The following NRCAM variants were observed in gnomAD, a reference collection of about 807,000 sequenced individuals.
NRCAM encodes the protein neuronal cell adhesion molecule.
In NRCAM, 83 loss-of-function variants were observed where a neutral mutation model predicts 156.5. The ratio of observed to expected loss-of-function variants is 0.53; its 90% CI spans 0.44 to 0.64. The LOEUF (loss-of-function observed/expected upper bound fraction) is 0.64, where lower values mean the gene tolerates loss of function less well. NRCAM is among the 30% of genes least tolerant of loss of function. The probability of loss-of-function intolerance (pLI) is 0.00; values close to 1 mark genes in which losing one functional copy is unlikely to be tolerated. For synonymous variants in NRCAM, 538 were observed against 563.9 expected, an observed-to-expected ratio of 0.95 and a Z score of 0.65; for missense variants, 1,417 against 1,597.3, an observed-to-expected ratio of 0.89 and a Z score of 1.92.
At chr7:108,336,247 C>CGGCTG (rs1563316209) in intron 2 of NRCAM, among the ~76,000 whole-genome samples, 1 of 152,150 alleles carries the variant, frequency 6.6e-6, no homozygotes, top group African/African-American at 2.4e-5. Context: ...TGCCCCTTCC[C>CGGCTG]GGCTGTCTAA....
intron 11 of NRCAM, among the ~76,000 whole-genome samples, chr7:108,219,221 A>T (rs1219118268): frequency 6.6e-6 from 1 of 151,110 alleles, no homozygotes; most frequent in Non-Finnish European, 1.5e-5. Flanking sequence ...TAATTAAAAA[A>T]TTACCAAAAA....
intron 3 of NRCAM, among the ~76,000 whole-genome samples, chr7:108,281,499 G>T (rs2097856582): frequency 6.6e-6 from 1 of 152,212 alleles, no homozygotes; most frequent in Admixed American, 6.5e-5. Context: ...GCTATCTTGA[G>T]ATTATGAATC....
chr7:108,366,953 C>A (rs148101602), intron 2 of NRCAM, among the ~76,000 whole-genome samples: 7 of 152,280 alleles, frequency 4.6e-5, no homozygotes, highest in African/African-American at 1.7e-4. Flanking sequence ...TATTTTCGTA[C>A]CCCAGAGCAA....
chr7:108,404,058 C>G (rs769847865), intron 1 of NRCAM, among the ~76,000 whole-genome samples: 2 of 152,162 alleles, frequency 1.3e-5, no homozygotes, highest in Non-Finnish European at 2.9e-5. Flanking sequence ...GTCAGTATGC[C>G]TGCCCAGAGC....
chr7:108,298,510 G>T (rs886166778), intron 3 of NRCAM, among the ~76,000 whole-genome samples: 2 of 151,798 alleles, frequency 1.3e-5, no homozygotes, highest in Admixed American at 6.6e-5. Context: ...AAAATTAGCC[G>T]GGTGTGGTGC....
chr7:108,308,958 T>G (rs1219170088), intron 3 of NRCAM, among the ~76,000 whole-genome samples: 1 of 152,196 alleles, frequency 6.6e-6, no homozygotes, highest in Non-Finnish European at 1.5e-5. Flanking sequence ...CCTACAGAAA[T>G]GTTGCACATT....
chr7:108,215,916 G>C (rs2088343351), intron 11 of NRCAM, among the ~76,000 whole-genome samples: 2 of 152,104 alleles, frequency 1.3e-5, no homozygotes, highest in African/African-American at 4.8e-5. Flanking sequence ...TTACATTTAA[G>C]GTTAATATTG....
At chr7:108,234,402 T>C (rs1452435162) in intron 6 of NRCAM, among the ~76,000 whole-genome samples, 181 bp downstream of exon 6, 3 of 152,034 alleles carry the variant, frequency 2.0e-5, no homozygotes, top group Non-Finnish European at 4.4e-5. Flanking sequence ...AGGGCTGAAA[T>C]GGGCTGGGAT....
intron 1 of NRCAM, among the ~76,000 whole-genome samples, chr7:108,406,160 C>T (rs1171186604): frequency 6.6e-6 from 1 of 151,780 alleles, no homozygotes; most frequent in Non-Finnish European, 1.5e-5. Context: ...CCAAAGGAGA[C>T]AGAAAATACT....
intron 11 of NRCAM, among the ~76,000 whole-genome samples, chr7:108,212,924 A>G (rs2085503141): frequency 1.3e-5 from 2 of 152,188 alleles, no homozygotes; most frequent in Admixed American, 6.6e-5. Context: ...TCTCAAAAAG[A>G]TGTCCAGGCA....
intron 2 of NRCAM, among the ~76,000 whole-genome samples, chr7:108,376,359 G>C (rs1454204536): frequency 6.6e-6 from 1 of 152,114 alleles, no homozygotes; most frequent in African/African-American, 2.4e-5. Flanking sequence ...GAGGTAACCT[G>C]GTTCCTGACC....
At chr7:108,211,806 C>T (rs781483448) in intron 11 of NRCAM, among the ~76,000 whole-genome samples, 8 of 152,132 alleles carry the variant, frequency 5.3e-5, no homozygotes, top group Non-Finnish European at 1.2e-4. Flanking sequence ...ACCTGAGGGG[C>T]CTTCTCTACC....
chr7:108,338,594 CAG>C lies in NRCAM; in HGVS notation c.-173-25865_-173-25864del, dbSNP rs1157980149. 1.6e-4 allele frequency among the ~76,000 whole-genome samples: 24 copies of C among 147,688 alleles called. No individual in the cohort carries two copies. In the South Asian group the frequency reaches 4.4e-3, roughly 27 times the overall value. On this transcript the variant is annotated intron_variant, in intron 2 of 32. Transcript: ENST00000379028. ...AGTGAGACACAGAGAGAGGGAGAGA[CAG>C]AGAGAGAGACAGAGAGGAGAGAGAC...
intron 2 of NRCAM, among the ~76,000 whole-genome samples, chr7:108,360,630 C>T (rs56332346): frequency 9.8e-5 from 15 of 152,300 alleles, no homozygotes; most frequent in African/African-American, 3.4e-4. Flanking sequence ...ACAGTGGACA[C>T]TGCTGTGAGT....
intron 2 of NRCAM, among the ~76,000 whole-genome samples, chr7:108,368,234 A>AC (rs1372350824): frequency 7.3e-4 from 44 of 60,396 alleles, no homozygotes; most frequent in African/African-American, 1.9e-3. Flanking sequence ...ACCCCCCCCC[A>AC]CCCCCCCGCC....
At chr7:108,379,453 C>T (rs372769120) in intron 2 of NRCAM, among the ~76,000 whole-genome samples, 2 of 152,042 alleles carry the variant, frequency 1.3e-5, no homozygotes, top group African/African-American at 2.4e-5. Flanking sequence ...AGTAGAATGG[C>T]GACAGGAGCT....
At chr7:108,203,925 G>A (rs1337856354) in intron 13 of NRCAM, among the ~76,000 whole-genome samples, 1 of 152,196 alleles carries the variant, frequency 6.6e-6, no homozygotes, top group African/African-American at 2.4e-5. Context: ...AAGGCAAGGA[G>A]TCTTCATTGT....
chr7:108,153,972 T>C (rs1440399912), intron 32 of NRCAM, among the ~76,000 whole-genome samples: 1 of 152,150 alleles, frequency 6.6e-6, no homozygotes, highest in Non-Finnish European at 1.5e-5. Context: ...GACTCAAATA[T>C]AGTAAATATG....
At chr7:108,196,314 C>T (rs1337998956) in intron 14 of NRCAM, among the ~76,000 whole-genome samples, 1 of 151,940 alleles carries the variant, frequency 6.6e-6, no homozygotes, top group Non-Finnish European at 1.5e-5. Flanking sequence ...ACCACAGCAA[C>T]AAAAACAAAA....
Sources: gnomAD v4.1 joint callset for allele counts (sites outside exome capture counted in the v4.1 genomes callset) on GRCh38, gnomAD v4.1.1 for gene constraint, MANE v1.5 for transcripts, NCBI Gene and HGNC (gene_info 2026-07-23, HGNC 2026-07-21) for gene names.